SLC43A1: variants seen among roughly 807,000 people sequenced by gnomAD.
SLC43A1 encodes the protein large neutral amino acids transporter small subunit 3.
Under a neutral mutation model 59.5 loss-of-function variants are expected in SLC43A1, and 31 were observed. That is an observed-to-expected ratio of 0.52 (90% CI 0.39 to 0.70). The LOEUF is 0.70. SLC43A1 is among the 30% of genes least tolerant of loss of function. SLC43A1 has a pLI of 0.00. For missense variants in SLC43A1, 598 were observed against 717.8 expected (o/e 0.83, Z 1.91); for synonymous variants, 259 against 290.9 (o/e 0.89, Z 1.12).
Position 57,513,918 on chromosome 11 carries a change from A to G in SLC43A1, c.154+40T>C, listed in dbSNP as rs763872664. The G allele has an allele frequency of 2.1e-6, 3 of 1,453,138 alleles. No individual in the cohort carries two copies. The South Asian group carries it at 3.6e-5, about 18-fold the overall frequency. 90.0% of individuals were successfully genotyped at this position (1,453,138 alleles called of 1,614,324 possible). On this transcript the variant is annotated intron_variant, in intron 2 of 14. Coordinates refer to ENST00000278426, the MANE Select transcript of SLC43A1 (RefSeq NM_003627.6). ...TCTGGCTTCCACCTGCCCCTTTGCC[A>G]TCCCTCCCCCCAGCCCACCCAGCCC... is the stretch of plus-strand genomic sequence containing the variant.
chr11:57,494,222 C>A, intron 7 of SLC43A1, 51 bp from the exon 8 acceptor site: 1 of 1,560,994 alleles, frequency 6.4e-7, no homozygotes, highest in Non-Finnish European at 8.7e-7. Context: ...CAGAGCCCAC[C>A]TTCAACGGCC....
chr11:57,500,907 A>C, intron 4 of SLC43A1, 52 bp from the exon 5 acceptor site: 3 of 1,608,722 alleles, frequency 1.9e-6, no homozygotes, highest in Non-Finnish European at 2.6e-6. Context: ...GTGGGAAGCC[A>C]AGGGCGGGAG....
intron 2 of SLC43A1, among the ~76,000 whole-genome samples, chr11:57,502,803 G>T (rs534359478): frequency 6.6e-6 from 1 of 151,490 alleles, no homozygotes; most frequent in African/African-American, 2.4e-5. Context: ...GAGCCCGGGC[G>T]GTCGAGGCTG....
At position 57,496,118 on chromosome 11, in the gene SLC43A1, C is replaced by G; in HGVS notation, c.605G>C (p.Trp202Ser). The change falls in exon 7 of 15, where the codon TGG becomes TCG. Residue 202 changes from tryptophan (W) to serine (S), a missense_variant. Coordinates refer to ENST00000278426, the MANE Select transcript of SLC43A1 (RefSeq NM_003627.6). Reference protein sequence around the residue: ...GVAFVVIMFTWSGLACLIFLN... With the variant: ...GVAFVVIMFTSSGLACLIFLN... ...AAAGATAAGGCAGGCCAGGCCAGAC[C>G]AGGTGAACATGATGACCACGAAGGC... The G allele has an allele frequency of 6.2e-7, 1 of 1,614,142 alleles. No homozygotes were observed. The highest frequency in any genetic ancestry group is 8.5e-7 in the Non-Finnish European group (1 of 1,180,030).
At chr11:57,505,403 T>G (rs1161818828) in intron 2 of SLC43A1, among the ~76,000 whole-genome samples, 1 of 151,626 alleles carries the variant, frequency 6.6e-6, no homozygotes. Context: ...TCCCAGCTAC[T>G]CCAGAGGCTG....
intron 2 of SLC43A1, among the ~76,000 whole-genome samples, chr11:57,506,345 C>T (rs1326641769): frequency 6.6e-6 from 1 of 151,738 alleles, no homozygotes; most frequent in Admixed American, 6.6e-5. Context: ...TACCCTGTCT[C>T]AAAAAATAAT....
chr11:57,505,281 G>A (rs1003595680), intron 2 of SLC43A1, among the ~76,000 whole-genome samples: 3 of 152,218 alleles, frequency 2.0e-5, no homozygotes, highest in African/African-American at 7.2e-5. Context: ...GGAAGCCAAA[G>A]CAGGTGGATC....
At chr11:57,504,196 CA>C (rs1459574121) in intron 2 of SLC43A1, among the ~76,000 whole-genome samples, 1 of 152,026 alleles carries the variant, frequency 6.6e-6, no homozygotes, top group South Asian at 2.1e-4. Context: ...GACTCCGTCT[CA>C]AAAAATAAAA....
rs371239956 is a variant in SLC43A1 at position 57,489,435 on chromosome 11, C to T, written c.1194-43G>A. 6 of 1,608,628 alleles carry T rather than the reference C, an allele frequency of 3.7e-6. 1 individual carries two copies. Among genetic ancestry groups the T allele is most frequent in the Non-Finnish European group, 5.1e-6 (6 of 1,176,132 alleles). Reference sequence around the variant, plus strand: ...TCACTGGCTGCTGCCTCTACGTTCCCAGGACTCCCTGGTTCTTGGCCTGGC... The same window carrying T: ...TCACTGGCTGCTGCCTCTACGTTCCTAGGACTCCCTGGTTCTTGGCCTGGC... On this transcript the variant is annotated intron_variant, in intron 11 of 14. Transcript: ENST00000278426.
At chr11:57,489,132 G>A (rs1027021004) in intron 12 of SLC43A1, 119 bp downstream of exon 12, 17 of 1,465,736 alleles carry the variant, frequency 1.2e-5, no homozygotes, top group South Asian at 9.5e-5. Flanking sequence ...TGGAGAACCC[G>A]GAAAATAGAT....
chr11:57,508,749 C>A (rs1163795194), intron 2 of SLC43A1, among the ~76,000 whole-genome samples: 2 of 152,118 alleles, frequency 1.3e-5, no homozygotes, highest in Non-Finnish European at 2.9e-5. Flanking sequence ...ATGATCACAC[C>A]ACTGAACTCC....
At chr11:57,503,471 A>T (rs1019902024) in intron 2 of SLC43A1, among the ~76,000 whole-genome samples, 4 of 151,864 alleles carry the variant, frequency 2.6e-5, no homozygotes, top group African/African-American at 9.7e-5. Context: ...CTACAGGTGC[A>T]TGCCACCACA....
intron 11 of SLC43A1, among the ~76,000 whole-genome samples, chr11:57,490,900 G>A (rs562956222): frequency 6.6e-6 from 1 of 152,362 alleles, no homozygotes; most frequent in South Asian, 2.1e-4. Context: ...GATCTTGGGT[G>A]AATGACCTAA....
intron 2 of SLC43A1, among the ~76,000 whole-genome samples, chr11:57,503,701 G>A (rs1944325681): frequency 6.6e-6 from 1 of 152,142 alleles, no homozygotes; most frequent in Non-Finnish European, 1.5e-5. Flanking sequence ...GCACTGTGCT[G>A]GGACAATGCG....
chr11:57,492,735 CAAAAAAAAAAA>C (rs56237225), intron 8 of SLC43A1, among the ~76,000 whole-genome samples: 56 of 83,524 alleles, frequency 6.7e-4, no homozygotes, highest in African/African-American at 2.6e-3. Context: ...CTCTATTTTA[CAAAAAAAAAAA>C]AAAAAAAAAA....
chr11:57,497,699 G>A (rs1420311098), intron 6 of SLC43A1, 54 bp downstream of exon 6: 9 of 1,406,536 alleles, frequency 6.4e-6, no homozygotes, highest in South Asian at 6.0e-5. Flanking sequence ...CTGCTCACTC[G>A]GCCCCACCCG....
chr11:57,510,484 AGAT>A (rs1944510906), intron 2 of SLC43A1, among the ~76,000 whole-genome samples: 1 of 148,748 alleles, frequency 6.7e-6, no homozygotes, highest in Non-Finnish European at 1.5e-5. Context: ...AAAAAAAAAA[AGAT>A]GGGCAACGAC....
At chr11:57,501,473 G>C (rs1944266995) in intron 2 of SLC43A1, 144 bp from the exon 3 acceptor site, 1 of 749,364 alleles carries the variant, frequency 1.3e-6, no homozygotes, top group African/African-American at 1.7e-5. Flanking sequence ...TCCTCTGATG[G>C]GGCTGCTCCA....
chr11:57,514,268 G>T lies in SLC43A1; in HGVS notation c.-13-144C>A. 1 of 1,004,576 alleles carries T rather than the reference G, an allele frequency of 1.0e-6. No individual in the cohort carries two copies. The highest frequency in any genetic ancestry group is 1.4e-6 in the Non-Finnish European group (1 of 708,950). 62.2% of individuals were successfully genotyped at this position (1,004,576 alleles called of 1,614,324 possible). A position where few individuals can be genotyped will look rare whatever the true frequency, so the allele number is the denominator to read the frequency against. On this transcript the variant is annotated intron_variant, in intron 1 of 14. Coordinates refer to ENST00000278426, the MANE Select transcript of SLC43A1 (RefSeq NM_003627.6). This position sits in a 1 kb window ranked among gnomAD's most constrained non-coding sequence, Gnocchi z 5.5. ...CCATAGAGCCCTGGGCTTCCCAGCC[G>T]GTGCCAAGGAGCTGGCTCCGCGCGC...
Sources: gnomAD v4.1 joint callset for allele counts (sites outside exome capture counted in the v4.1 genomes callset) on GRCh38, gnomAD v4.1.1 for gene constraint, Gnocchi (gnomAD v3.1) non-coding constraint, MANE v1.5 for transcripts, NCBI Gene and HGNC (gene_info 2026-07-23, HGNC 2026-07-21) for gene names.